Variants in ALMS1 observed in about 807,000 individuals in gnomAD.
ALMS1 encodes the protein ALMS1 centrosome and basal body associated protein.
Under a neutral mutation model 352.2 loss-of-function variants are expected in ALMS1, and 271 were observed. That is an observed-to-expected ratio of 0.77 (90% CI 0.70 to 0.85). The LOEUF is 0.85. ALMS1 is among the 40% of genes least tolerant of loss of function. The pLI, the probability that ALMS1 is intolerant of heterozygous loss-of-function variation, is 0.00. For synonymous variants in ALMS1, 1,865 were observed against 1,761.2 expected (o/e 1.06, Z -1.48); for missense variants, 5,445 against 4,870.7 (o/e 1.12, Z -3.51).
intron 3 of ALMS1, among the ~76,000 whole-genome samples, chr2:73,420,304 A>G (rs905489374): frequency 9.9e-5 from 15 of 152,190 alleles, no homozygotes; most frequent in African/African-American, 2.7e-4. Context: ...TGGGATTTGT[A>G]TTATAATGGT....
At chr2:73,390,642 T>C (rs897317777) in intron 1 of ALMS1, among the ~76,000 whole-genome samples, 1 of 152,250 alleles carries the variant, frequency 6.6e-6, no homozygotes, top group African/African-American at 2.4e-5. Context: ...TTCAGGCACT[T>C]CTTGTAATTC....
intron 7 of ALMS1, 148 bp from the exon 8 acceptor site, chr2:73,447,812 G>A (rs1294445306): frequency 2.8e-6 from 3 of 1,086,342 alleles, no homozygotes; most frequent in Middle Eastern, 3.1e-4. Flanking sequence ...TAATATCTTT[G>A]TGTGCAAATA....
intron 16 of ALMS1, among the ~76,000 whole-genome samples, chr2:73,579,206 C>T (rs988640234): frequency 6.6e-6 from 1 of 151,198 alleles, no homozygotes; most frequent in Non-Finnish European, 1.5e-5. Flanking sequence ...ATTACAGGTG[C>T]CTGCCACCAT....
At position 73,451,977 on chromosome 2, in the gene ALMS1, A is replaced by G. The variant is rs1558650190; in HGVS notation, c.5450A>G (p.Gln1817Arg). The G allele has an allele frequency of 6.2e-7, 1 of 1,613,744 alleles. No individual in the cohort carries two copies. Among genetic ancestry groups the G allele is most frequent in the East Asian group, 2.2e-5 (1 of 44,846 alleles). Reference protein sequence around the residue: ...SHREKPIVSYQRELPHFTEAG... With the variant: ...SHREKPIVSYRRELPHFTEAG... ...AGAGAGAAGCCCATTGTTTCCTACC[A>G]GCGAGAGTTGCCGCATTTTACTGAA... Residue 1817 changes from glutamine to arginine, a missense_variant, in exon 8 of 23, where the codon CAG becomes CGG. Transcript: ENST00000613296.
rs567081376 is a variant in ALMS1 at position 73,564,321 on chromosome 2, C to T, written c.10384+5179C>T. Among the ~76,000 whole-genome samples the T allele has an allele frequency of 2.3e-4, 35 of 151,912 alleles. No individual in the cohort carries two copies. In the South Asian group the frequency reaches 7.3e-3, roughly 32 times the overall value. ...TCTCTACTGAAAATACAAAATATAG[C>T]CGGGCATGGCGGTGCATGCCGATAA... On this transcript the variant is annotated intron_variant, in intron 15 of 22. Coordinates refer to ENST00000613296, the MANE Select transcript of ALMS1 (RefSeq NM_001378454.1).
chr2:73,436,499 C>G (rs1462665965), intron 7 of ALMS1, among the ~76,000 whole-genome samples: 1 of 152,166 alleles, frequency 6.6e-6, no homozygotes, highest in Non-Finnish European at 1.5e-5. Flanking sequence ...CAGTTATCAT[C>G]TCTTGCATCA....
At chr2:73,482,350 C>G (rs192163678) in intron 9 of ALMS1, among the ~76,000 whole-genome samples, 143 of 152,240 alleles carry the variant, frequency 9.4e-4, no homozygotes, top group Non-Finnish European at 1.3e-3. Context: ...TGGTTTTTGT[C>G]TTTGGCTCTG....
chr2:73,419,602 CAG>C (rs967694435), intron 3 of ALMS1, among the ~76,000 whole-genome samples: 2 of 152,114 alleles, frequency 1.3e-5, no homozygotes, highest in African/African-American at 2.4e-5. Flanking sequence ...CTTGAATTTG[CAG>C]AGTTTTTGGG....
intron 9 of ALMS1, among the ~76,000 whole-genome samples, chr2:73,479,085 A>G (rs1213754998): frequency 2.6e-5 from 4 of 152,086 alleles, no homozygotes; most frequent in Non-Finnish European, 4.4e-5. Context: ...TATCCAGTCT[A>G]TCATTGATGG....
At chr2:73,484,042 G>T (rs1368874925) in intron 9 of ALMS1, among the ~76,000 whole-genome samples, 1 of 151,702 alleles carries the variant, frequency 6.6e-6, no homozygotes, top group Non-Finnish European at 1.5e-5. Context: ...GCCAGTCTTT[G>T]CCTTTTAATT....
intron 8 of ALMS1, chr2:73,454,334 G>A: frequency 3.0e-6 from 3 of 985,252 alleles, no homozygotes; most frequent in Non-Finnish European, 2.4e-6. Context: ...TTACGTTCTT[G>A]TTCTTAGGAG....
chr2:73,525,829 A>G (rs1168149434), intron 11 of ALMS1, among the ~76,000 whole-genome samples: 2 of 152,092 alleles, frequency 1.3e-5, no homozygotes, highest in East Asian at 3.9e-4. Flanking sequence ...TATGTGGGAT[A>G]TTACTCAAGA....
At position 73,435,914 on chromosome 2, in the gene ALMS1, T is replaced by C. The variant is rs563360786; in HGVS notation, c.1432+3623T>C. On this transcript the variant is annotated intron_variant, in intron 7 of 22. Transcript: ENST00000613296. ...CCTGCTTTATATATTTTCAAATTGCTCTTTAAATCAGTTAACAGAATACAG... is the reference window on the plus strand; with the variant it reads ...CCTGCTTTATATATTTTCAAATTGCCCTTTAAATCAGTTAACAGAATACAG... Among the ~76,000 whole-genome samples, 5 of 152,344 alleles carry C rather than the reference T, an allele frequency of 3.3e-5. No individual in the cohort carries two copies. The East Asian group carries it at 9.6e-4, about 29-fold the overall frequency.
chr2:73,474,411 C>CTGTGTGTG (rs10526164), intron 9 of ALMS1, among the ~76,000 whole-genome samples: 11,389 of 148,448 alleles, frequency 0.077, 704 homozygotes, highest in African/African-American at 0.14. Flanking sequence ...GTGTGTGTGT[C>CTGTGTGTG]TATTGGTTTA....
intron 10 of ALMS1, among the ~76,000 whole-genome samples, chr2:73,513,322 G>A (rs1417933907): frequency 2.6e-5 from 4 of 152,014 alleles, no homozygotes; most frequent in East Asian, 1.9e-4. Flanking sequence ...CCCACCCCAC[G>A]TAGGTTCTGA....
intron 9 of ALMS1, among the ~76,000 whole-genome samples, chr2:73,471,318 A>G (rs1672462964): frequency 6.6e-6 from 1 of 151,404 alleles, no homozygotes; most frequent in Admixed American, 6.6e-5. Context: ...AGCGAAAGCA[A>G]TTTAAAAAAA....
intron 9 of ALMS1, among the ~76,000 whole-genome samples, chr2:73,468,496 T>C (rs1301262702): frequency 6.6e-6 from 1 of 152,042 alleles, no homozygotes; most frequent in Non-Finnish European, 1.5e-5. Flanking sequence ...CAAGACTCTT[T>C]TCATCTTGTA....
Position 73,455,169 on chromosome 2 carries a change from T to A in ALMS1, c.7548T>A (p.Asn2516Lys). The change falls in exon 9 of 23, where the codon AAT (asparagine) becomes AAA (lysine). Residue 2516 changes from asparagine (N) to lysine (K), a missense_variant. Coordinates refer to ENST00000613296, the MANE Select transcript of ALMS1 (RefSeq NM_001378454.1). ...EESRVRAHAWNMKFNLAHDCG... is the reference protein window; with the variant it reads ...EESRVRAHAWKMKFNLAHDCG... The stretch of plus-strand genomic sequence containing the variant: ...TGTATGCTTTCTCTCCAGCCTGGAA[T>A]ATGAAGTTCAATTTAGCACATGATT... 1 of 1,614,034 alleles carries A rather than the reference T, an allele frequency of 6.2e-7. No homozygotes were observed. Among genetic ancestry groups the A allele is most frequent in the South Asian group, 1.1e-5 (1 of 91,086 alleles).
At position 73,489,997 on chromosome 2, in the gene ALMS1, C is replaced by A. The variant is rs45572144; in HGVS notation, c.8038C>A (p.Leu2680Met). 2 of 1,614,222 alleles carry A rather than the reference C, an allele frequency of 1.2e-6. No homozygotes were observed. The highest frequency in any genetic ancestry group is 1.7e-6 in the Non-Finnish European group (2 of 1,180,042). Residue 2680 changes from leucine to methionine, a missense_variant, in exon 10 of 23, where the codon CTG becomes ATG. Leu to Met is a conservative substitution (Grantham distance 15, BLOSUM62 2). Coordinates refer to ENST00000613296, the MANE Select transcript of ALMS1 (RefSeq NM_001378454.1). ...MPFDEKMDPW[L>M]SELVEPAFVP... ...ATTCGATGAAAAGATGGACCCTTGG[C>A]TGTCAGAATTAGTAGAACCTGCTTT...
Sources: allele counts gnomAD v4.1 joint callset (sites outside exome capture counted in the v4.1 genomes callset), GRCh38; gene constraint gnomAD v4.1.1; transcripts MANE v1.5; gene names NCBI Gene and HGNC (gene_info 2026-07-23, HGNC 2026-07-21).